RAB12: variants seen among roughly 807,000 people sequenced by gnomAD.
The protein encoded by RAB12 is ras-related protein Rab-12.
RAB12 carries 11 observed loss-of-function variants against 28.4 expected under a neutral mutation model. The ratio of observed to expected loss-of-function variants is 0.39; its 90% CI spans 0.24 to 0.64. The LOEUF is 0.64. RAB12 is among the 30% of genes least tolerant of loss of function. The pLI is 0.50. For synonymous variants in RAB12, 138 were observed against 145.3 expected (o/e 0.95, Z 0.36); for missense variants, 276 against 351.1 (o/e 0.79, Z 1.71).
intron 1 of RAB12, among the ~76,000 whole-genome samples, chr18:8,618,032 G>A (rs1242954626): frequency 6.6e-6 from 1 of 152,116 alleles, no homozygotes; most frequent in African/African-American, 2.4e-5. Flanking sequence ...TCTCATACGT[G>A]TGTACACTTC....
At chr18:8,610,125 G>A in intron 1 of RAB12, 172 bp downstream of exon 1, 3 of 538,334 alleles carry the variant, frequency 5.6e-6, no homozygotes, top group Non-Finnish European at 9.8e-6. Context: ...CCCAAAGCCT[G>A]GCAGAGGTTT....
Position 8,628,630 on chromosome 18 carries a change from G to A in RAB12, c.575+3632G>A, listed in dbSNP as rs140231976. On this transcript the variant is annotated intron_variant, in intron 2 of 5. Transcript: ENST00000649141. ...ATTGCCTCAGGTTTTGAATTTTGAG[G>A]TTTCTATCCTCTTTCTTTACATTGG... Among the ~76,000 whole-genome samples, 305 of 152,274 alleles carry A rather than the reference G, an allele frequency of 2.0e-3. 6 individuals are homozygous for A. Among genetic ancestry groups the A allele is most frequent in the Middle Eastern group, 6.8e-3 (2 of 294 alleles).
At chr18:8,622,004 A>T (rs1022814633) in intron 1 of RAB12, among the ~76,000 whole-genome samples, 5 of 152,228 alleles carry the variant, frequency 3.3e-5, no homozygotes, top group African/African-American at 1.2e-4. Flanking sequence ...GTGATTACAA[A>T]ATAGTCCTAG....
intron 2 of RAB12, among the ~76,000 whole-genome samples, chr18:8,625,686 G>A (rs1397936307): frequency 6.6e-6 from 1 of 152,198 alleles, no homozygotes; most frequent in African/African-American, 2.4e-5. Context: ...GATAAGATCT[G>A]GTCTGGTGGT....
In RAB12 at chr18:8,609,625, C is replaced by T. The variant is rs1043796915; in HGVS notation, c.186C>T (p.Asp62=). 8 of 468,636 alleles carry T rather than the reference C, an allele frequency of 1.7e-5. No homozygotes were observed. Among genetic ancestry groups the T allele is most frequent in the African/African-American group, 8.6e-5 (4 of 46,564 alleles). 29.0% of individuals were successfully genotyped at this position (468,636 alleles called of 1,614,324 possible). A position where few individuals can be genotyped will look rare whatever the true frequency, so the allele number is the denominator to read the frequency against. ...GGGCGGAAGCCGAGCCCGGGGCCGA[C>T]CCCCCGCGCGCGGCGGAGGCCGAGG... ...LQRAEAEPGA[D]PPRAAEAEGA... Residue 62 remains aspartate (D), a synonymous_variant, in exon 1 of 6, where the codon GAC becomes GAT. Coordinates refer to ENST00000649141, the MANE Select transcript of RAB12 (RefSeq NM_001025300.3).
intron 5 of RAB12, 41 bp from the exon 6 acceptor site, chr18:8,638,108 T>C: frequency 1.4e-6 from 2 of 1,387,420 alleles, no homozygotes; most frequent in Non-Finnish European, 2.1e-6. Flanking sequence ...GTGTACCTTG[T>C]AAAGTTAAAA....
chr18:8,637,856 T>C (rs2096019803), intron 5 of RAB12, among the ~76,000 whole-genome samples: 1 of 152,140 alleles, frequency 6.6e-6, no homozygotes, highest in African/African-American at 2.4e-5. Context: ...AGAGAAAATA[T>C]ATTTACTATT....
chr18:8,633,950 T>C (rs2096017400), intron 3 of RAB12, among the ~76,000 whole-genome samples: 1 of 152,178 alleles, frequency 6.6e-6, no homozygotes, highest in South Asian at 2.1e-4. Flanking sequence ...TGTGATGATA[T>C]ACCATTGACC....
rs9964175 is a variant in RAB12, at chr18:8,620,577, T to C, written c.515-4361T>C. On this transcript the variant is annotated intron_variant, in intron 1 of 5. Coordinates refer to ENST00000649141, the MANE Select transcript of RAB12 (RefSeq NM_001025300.3). ...CAGATGCCTTTTTTTTTTTAACTAA[T>C]CAGTCCTGAATTTCCCTATTTTTTC... Among the ~76,000 whole-genome samples the C allele has an allele frequency of 6.8e-3, 1,037 of 151,928 alleles. 12 individuals are homozygous for C. The highest frequency in any genetic ancestry group is 0.022 in the African/African-American group (904 of 41,394).
intron 1 of RAB12, among the ~76,000 whole-genome samples, chr18:8,615,853 AAAAG>A (rs373504776): frequency 6.6e-6 from 1 of 152,200 alleles, no homozygotes; most frequent in African/African-American, 2.4e-5. Flanking sequence ...CTTACAATAA[AAAAG>A]AAAGATTTTA....
At position 8,638,132 on chromosome 18, in the gene RAB12, G is replaced by A. The variant is rs765350320; in HGVS notation, c.910-17G>A. 4 of 1,547,858 alleles carry A rather than the reference G, an allele frequency of 2.6e-6. No homozygotes were observed. The highest frequency in any genetic ancestry group is 2.8e-5 in the African/African-American group (2 of 72,278). ...GTAAAGTTAAAACGGATTTTTTTTTGTTTGTTTATACGTTAGATGCCTCTG... is the reference window on the plus strand; with the variant it reads ...GTAAAGTTAAAACGGATTTTTTTTTATTTGTTTATACGTTAGATGCCTCTG... On this transcript the variant is annotated splice_polypyrimidine_tract_variant and intron_variant, in intron 5 of 5. Coordinates refer to ENST00000649141, the MANE Select transcript of RAB12 (RefSeq NM_001025300.3).
intron 3 of RAB12, chr18:8,635,313 T>G: frequency 5.3e-6 from 2 of 379,682 alleles, no homozygotes; most frequent in Non-Finnish European, 4.7e-6. Context: ...GCCAAGAGCA[T>G]TGTGGTTCTT....
chr18:8,627,777 T>A (rs1315612032), intron 2 of RAB12, among the ~76,000 whole-genome samples: 3 of 152,184 alleles, frequency 2.0e-5, no homozygotes, highest in Non-Finnish European at 4.4e-5. Flanking sequence ...GTCGGACCAG[T>A]CCACTGTTGG....
At chr18:8,629,311 C>T (rs28477429) in intron 2 of RAB12, among the ~76,000 whole-genome samples, 18,260 of 152,212 alleles carry the variant, frequency 0.12, 1,309 homozygotes, top group Admixed American at 0.17. Context: ...TAACTCTGTT[C>T]CTTCTCAGCC....
At chr18:8,634,683 G>A (rs1056410019) in intron 3 of RAB12, among the ~76,000 whole-genome samples, 11 of 152,048 alleles carry the variant, frequency 7.2e-5, no homozygotes, top group African/African-American at 2.4e-4. Flanking sequence ...CATTTCCTGA[G>A]TGCGGGGCCC....
chr18:8,614,115 T>G (rs2096005413), intron 1 of RAB12, among the ~76,000 whole-genome samples: 2 of 152,220 alleles, frequency 1.3e-5, no homozygotes, highest in South Asian at 4.1e-4. Flanking sequence ...AAAATACTAA[T>G]GGCTCACACA....
chr18:8,610,063 C>T (rs1288733317), intron 1 of RAB12, 110 bp downstream of exon 1: 1 of 793,074 alleles, frequency 1.3e-6, no homozygotes, highest in African/African-American at 1.8e-5. Context: ...GGGGATGGGC[C>T]TCTCGGTGAA....
chr18:8,621,658 G>A (rs9952503), intron 1 of RAB12, among the ~76,000 whole-genome samples: 19,187 of 152,020 alleles, frequency 0.13, 1,392 homozygotes, highest in Admixed American at 0.17. Context: ...ACATGTGCAG[G>A]TTTGTTACAT....
At chr18:8,624,076 C>T (rs564955752) in intron 1 of RAB12, among the ~76,000 whole-genome samples, 6 of 152,342 alleles carry the variant, frequency 3.9e-5, no homozygotes, top group South Asian at 2.1e-4. Flanking sequence ...CCTGCTGGCC[C>T]GGGGAGCTGG....
Sources: allele counts gnomAD v4.1 joint callset (sites outside exome capture counted in the v4.1 genomes callset), GRCh38; gene constraint gnomAD v4.1.1; transcripts MANE v1.5; gene names NCBI Gene and HGNC (gene_info 2026-07-23, HGNC 2026-07-21).